Variants in SLC7A11 observed in about 807,000 individuals in gnomAD.
The protein encoded by SLC7A11 is cystine/glutamate transporter.
A neutral mutation model predicts 54.5 loss-of-function variants in SLC7A11; 35 were observed. That is an observed-to-expected ratio of 0.64 (90% CI 0.49 to 0.85). The LOEUF is 0.85. Among genes scored for constraint, SLC7A11 ranks in the 40% least tolerant of loss-of-function variants. The pLI is 0.00. For missense variants in SLC7A11, 583 were observed against 618.1 expected, an observed-to-expected ratio of 0.94 and a Z score of 0.60; for synonymous variants, 230 against 225.2, an observed-to-expected ratio of 1.02 and a Z score of -0.19.
intron 11 of SLC7A11, chr4:138,175,647 T>C (rs909616143): frequency 1.3e-5 from 2 of 152,186 alleles, no homozygotes; most frequent in Admixed American, 6.6e-5. Flanking sequence ...GAGCATGTTT[T>C]CTTTTCTCCC....
chr4:138,227,321 C>G (rs1390813070), intron 3 of SLC7A11, among the ~76,000 whole-genome samples: 1 of 152,006 alleles, frequency 6.6e-6, no homozygotes, highest in Admixed American at 6.6e-5. Flanking sequence ...GCCTGGATTC[C>G]TTTTATCTTT....
intron 6 of SLC7A11, among the ~76,000 whole-genome samples, chr4:138,199,191 C>T (rs56726280): frequency 0.16 from 24,124 of 152,070 alleles, 2,138 homozygotes; most frequent in East Asian, 0.32. Flanking sequence ...TGCACACGCA[C>T]GCACAAACTG....
intron 6 of SLC7A11, among the ~76,000 whole-genome samples, chr4:138,203,629 G>A (rs1289961948): frequency 6.6e-6 from 1 of 152,004 alleles, no homozygotes; most frequent in African/African-American, 2.4e-5. Context: ...AATGATGCAG[G>A]TGTATGAGGC....
intron 1 of SLC7A11, among the ~76,000 whole-genome samples, chr4:138,239,577 A>G (rs2148459931): frequency 6.6e-6 from 1 of 152,344 alleles, no homozygotes; most frequent in Non-Finnish European, 1.5e-5. Flanking sequence ...AAATAAAGAT[A>G]AGTAGATTAA....
At chr4:138,190,946 CCTCA>C in intron 6 of SLC7A11, among the ~76,000 whole-genome samples, 1 of 152,060 alleles carries the variant, frequency 6.6e-6, no homozygotes, top group Admixed American at 6.6e-5. Flanking sequence ...AGTGATTTTG[CCTCA>C]CTGTCATTTA....
At chr4:138,180,872 G>A in intron 9 of SLC7A11, 82 bp from the exon 10 acceptor site, 2 of 1,210,608 alleles carry the variant, frequency 1.7e-6, no homozygotes, top group Non-Finnish European at 2.3e-6. Flanking sequence ...TATGCATTAC[G>A]ACCTTTTTCA....
Position 138,237,762 on chromosome 4 carries a change from T to A in SLC7A11, c.278-1311A>T, listed in dbSNP as rs1350257216. 4.5e-5 allele frequency among the ~76,000 whole-genome samples: 3 copies of A among 66,072 alleles called. 1 individual carries two copies. The highest frequency in any genetic ancestry group is 1.7e-4 in the African/African-American group (3 of 17,450). 43.3% of individuals were successfully genotyped at this position (66,072 alleles called of 152,430 possible). A position where few individuals can be genotyped will look rare whatever the true frequency, so the allele number is the denominator to read the frequency against. On this transcript the variant is annotated intron_variant, in intron 1 of 11. Transcript: ENST00000280612. The stretch of plus-strand genomic sequence containing the variant: ...ATTTTTTTTTTTTTTTTTTTTTTTT[T>A]TTTTTTGAGATGGAGTCTCACTCTG...
rs144142163 is a variant in SLC7A11, at chr4:138,183,553, G to A, written c.916-248C>T. Among the ~76,000 whole-genome samples, 605 of 152,188 alleles carry A rather than the reference G, an allele frequency of 4.0e-3. 1 individual carries two copies. Among genetic ancestry groups the A allele is most frequent in the African/African-American group, 0.014 (573 of 41,544 alleles). Reference sequence around the variant, plus strand: ...AGCACCTTCTCTCTACTTTCAAAAAGCAATGATCCATTTATCGAATCTTTA... The same window carrying A: ...AGCACCTTCTCTCTACTTTCAAAAAACAATGATCCATTTATCGAATCTTTA... On this transcript the variant is annotated intron_variant, in intron 7 of 11. Coordinates refer to ENST00000280612, the MANE Select transcript of SLC7A11 (RefSeq NM_014331.4).
intron 5 of SLC7A11, among the ~76,000 whole-genome samples, chr4:138,215,218 T>C (rs778732223): frequency 4.6e-5 from 7 of 152,162 alleles, no homozygotes; most frequent in Non-Finnish European, 2.9e-5. Flanking sequence ...TCCTTTTCTA[T>C]GCTTAGAAAA....
chr4:138,198,931 C>T (rs4635863), intron 6 of SLC7A11, among the ~76,000 whole-genome samples: 62,485 of 151,902 alleles, frequency 0.41, 13,745 homozygotes, highest in Middle Eastern at 0.6. Flanking sequence ...GAAATGAAGA[C>T]GGTGAGACAG....
intron 6 of SLC7A11, among the ~76,000 whole-genome samples, chr4:138,202,205 G>A (rs868361657): frequency 5.9e-5 from 9 of 151,982 alleles, no homozygotes; most frequent in African/African-American, 2.2e-4. Flanking sequence ...TAGGATTAGG[G>A]ATTCATCATT....
chr4:138,225,479 G>A (rs1387958577), intron 3 of SLC7A11, among the ~76,000 whole-genome samples: 1 of 151,852 alleles, frequency 6.6e-6, no homozygotes, highest in East Asian at 1.9e-4. Flanking sequence ...AACATGAAGG[G>A]ATAGACAGGT....
At chr4:138,184,721 G>A (rs1736833973) in intron 7 of SLC7A11, among the ~76,000 whole-genome samples, 1 of 152,010 alleles carries the variant, frequency 6.6e-6, no homozygotes, top group Admixed American at 6.6e-5. Flanking sequence ...TGACACTTGG[G>A]GAAAGGATTC....
chr4:138,182,266 A>C, intron 9 of SLC7A11, 31 bp downstream of exon 9: 3 of 1,303,348 alleles, frequency 2.3e-6, no homozygotes, highest in Non-Finnish European at 3.3e-6. Flanking sequence ...ATTCAAGGTT[A>C]TATCTAGATA....
chr4:138,236,442 G>C lies in SLC7A11; in HGVS notation c.287C>G (p.Ser96Cys). The C allele has an allele frequency of 1.9e-6, 3 of 1,603,802 alleles. No homozygotes were observed. The highest frequency in any genetic ancestry group is 2.5e-6 in the Non-Finnish European group (3 of 1,176,988). The change falls in exon 2 of 12, where the codon TCT becomes TGT. Residue 96 changes from serine (S) to cysteine (C), a missense_variant. Transcript: ENST00000280612. Reference protein sequence around the residue: ...CGVLSLFGALSYAELGTTIKK... With the variant: ...CGVLSLFGALCYAELGTTIKK... ...TATAGTTGTTCCCAATTCAGCATAAGACAAAGCTCCTGTGAAATATTTGTC... is the reference window on the plus strand; with the variant it reads ...TATAGTTGTTCCCAATTCAGCATAACACAAAGCTCCTGTGAAATATTTGTC...
intron 2 of SLC7A11, among the ~76,000 whole-genome samples, chr4:138,233,920 T>C (rs1447392257): frequency 6.7e-6 from 1 of 149,982 alleles, no homozygotes; most frequent in Non-Finnish European, 1.5e-5. Context: ...CTATGTTTTA[T>C]ACTTCAGATC....
At chr4:138,203,301 C>T (rs1737331965) in intron 6 of SLC7A11, among the ~76,000 whole-genome samples, 1 of 152,032 alleles carries the variant, frequency 6.6e-6, no homozygotes, top group South Asian at 2.1e-4. Flanking sequence ...TCCTTTTTAT[C>T]TCTATTTTGA....
At chr4:138,212,546 T>C (rs1468975032) in intron 6 of SLC7A11, among the ~76,000 whole-genome samples, 2 of 151,402 alleles carry the variant, frequency 1.3e-5, no homozygotes, top group Admixed American at 1.3e-4. Context: ...ACCATCACTG[T>C]TCCTTAGTAT....
chr4:138,182,418 A>G lies in SLC7A11; in HGVS notation c.1020-25T>C, dbSNP rs575099699. The G allele has an allele frequency of 5.1e-6, 7 of 1,371,350 alleles. No individual in the cohort carries two copies. The South Asian group carries it at 8.1e-5, about 16-fold the overall frequency. The allele number at this position is 1,371,350 out of a possible 1,614,324, so 84.9% of individuals were successfully genotyped here. A position where few individuals can be genotyped will look rare whatever the true frequency, so the allele number is the denominator to read the frequency against. ...CCTGATGGGAGAGAAATGTGGGTGG[A>G]GTTGACTGTATGATTGATCATTTCA... On this transcript the variant is annotated intron_variant, in intron 8 of 11. Coordinates refer to ENST00000280612, the MANE Select transcript of SLC7A11 (RefSeq NM_014331.4).
Sources: allele counts gnomAD v4.1 joint callset (sites outside exome capture counted in the v4.1 genomes callset), GRCh38; gene constraint gnomAD v4.1.1; transcripts MANE v1.5; gene names NCBI Gene and HGNC (gene_info 2026-07-23, HGNC 2026-07-21).